Variants in CSMD1 observed in about 807,000 individuals in gnomAD.
CSMD1 encodes the protein CUB and Sushi multiple domains 1, also known as CUB and sushi domain-containing protein 1.
CSMD1 carries 213 observed loss-of-function variants against 417.5 expected under a neutral mutation model. The ratio of observed to expected loss-of-function variants is 0.51; its 90% CI spans 0.46 to 0.57. The LOEUF (loss-of-function observed/expected upper bound fraction) is 0.57. Ranked by LOEUF, CSMD1 falls within the 20% of genes least tolerant of loss-of-function variation. CSMD1 has a pLI of 0.00. For missense variants in CSMD1, 6,923 were observed against 4,529.7 expected, an observed-to-expected ratio of 1.53 and a Z score of -15.17; for synonymous variants, 2,862 against 1,736.8, an observed-to-expected ratio of 1.65 and a Z score of -16.11.
In CSMD1 at chr8:2,963,206, C is replaced by G. The variant is rs756201489; in HGVS notation, c.9454+16G>C. 3.7e-6 allele frequency: 6 copies of G among 1,612,950 alleles called. No homozygotes were observed. The African/African-American group carries it at 8.0e-5, about 22-fold the overall frequency. Reference sequence around the variant, plus strand: ...AGACCTGCAGTGGGCGGAACAAATTCTGCTGTAGAACTTACGGAGACACTG... The same window carrying G: ...AGACCTGCAGTGGGCGGAACAAATTGTGCTGTAGAACTTACGGAGACACTG... On this transcript the variant is annotated intron_variant, in intron 60 of 69. Transcript: ENST00000635120.
chr8:3,351,643 T>G (rs1047691504), intron 21 of CSMD1, among the ~76,000 whole-genome samples: 2 of 149,498 alleles, frequency 1.3e-5, no homozygotes, highest in East Asian at 3.9e-4. Flanking sequence ...GTATACAAAC[T>G]TGGCTTGTTA....
intron 7 of CSMD1, among the ~76,000 whole-genome samples, chr8:3,670,233 G>A (rs1004615658): frequency 1.3e-4 from 20 of 152,042 alleles, no homozygotes; most frequent in Admixed American, 7.2e-4. Context: ...AGAATACAAA[G>A]CAGGCGGAAA....
intron 10 of CSMD1, among the ~76,000 whole-genome samples, chr8:3,532,939 T>C (rs1350042006): frequency 1.3e-5 from 2 of 152,208 alleles, no homozygotes; most frequent in African/African-American, 2.4e-5. Context: ...ACATATACTT[T>C]CAAAGTATTA....
At chr8:4,301,496 C>A (rs757144705) in intron 3 of CSMD1, among the ~76,000 whole-genome samples, 2 of 152,154 alleles carry the variant, frequency 1.3e-5, no homozygotes, top group Non-Finnish European at 2.9e-5. Context: ...TGCATAAGAT[C>A]TCTATTGAAA....
chr8:3,571,708 T>C (rs1411836521), intron 10 of CSMD1, among the ~76,000 whole-genome samples: 2 of 151,994 alleles, frequency 1.3e-5, no homozygotes, highest in African/African-American at 2.4e-5. Context: ...GAGGGTCTTG[T>C]GTTCCTCCGT....
intron 3 of CSMD1, among the ~76,000 whole-genome samples, chr8:4,306,095 T>C (rs1798228446): frequency 2.0e-5 from 3 of 152,232 alleles, no homozygotes; most frequent in Admixed American, 1.3e-4. Context: ...TTATAATGAA[T>C]CTTCTTTTGC....
intron 10 of CSMD1, among the ~76,000 whole-genome samples, chr8:3,536,077 A>C (rs1798185653): frequency 6.6e-6 from 1 of 152,186 alleles, no homozygotes; most frequent in African/African-American, 2.4e-5. Context: ...ACAAGTAGAG[A>C]TGTCCCCAAG....
intron 3 of CSMD1, among the ~76,000 whole-genome samples, chr8:4,235,007 C>G (rs1801960381): frequency 6.6e-6 from 1 of 152,150 alleles, no homozygotes; most frequent in Non-Finnish European, 1.5e-5. Flanking sequence ...GCTCTAAATA[C>G]CATCGTATTG....
chr8:4,031,661 T>C (rs1170514250), intron 4 of CSMD1, among the ~76,000 whole-genome samples: 1 of 152,136 alleles, frequency 6.6e-6, no homozygotes, highest in African/African-American at 2.4e-5. Flanking sequence ...ATATTATATA[T>C]TATTACTTAT....
At chr8:4,616,135 G>C (rs779471398) in intron 2 of CSMD1, among the ~76,000 whole-genome samples, 6 of 152,078 alleles carry the variant, frequency 3.9e-5, no homozygotes, top group Admixed American at 1.3e-4. Flanking sequence ...TACTCCCTTT[G>C]TTGTGATAAA....
rs181792094 is a variant in CSMD1 at position 3,397,148 on chromosome 8, C to T, written c.2406-767G>A. ...GCACGGAGATAATTTTCTAAGTGGG[C>T]CTATCTGATCCTCGAAGAGCTAACC... On this transcript the variant is annotated intron_variant, in intron 16 of 69. Transcript: ENST00000635120. Among the ~76,000 whole-genome samples the T allele has an allele frequency of 3.1e-3, 468 of 152,156 alleles. 3 individuals are homozygous for T. Among genetic ancestry groups the T allele is most frequent in the African/African-American group, 0.01 (433 of 41,500 alleles).
rs970796835 is a variant in CSMD1, at chr8:3,194,321, C to A, written c.5195-4206G>T. Among the ~76,000 whole-genome samples, 5 of 151,994 alleles carry A rather than the reference C, an allele frequency of 3.3e-5. No homozygotes were observed. In the South Asian group the frequency reaches 1.0e-3, roughly 32 times the overall value. On this transcript the variant is annotated intron_variant, in intron 33 of 69. Coordinates refer to ENST00000635120, the MANE Select transcript of CSMD1 (RefSeq NM_033225.6). Reference sequence around the variant, plus strand: ...AGAAATAACCTCAAGTAAAGAAATTCTTAATGTACATCTTTCCTACCCAAA... The same window carrying A: ...AGAAATAACCTCAAGTAAAGAAATTATTAATGTACATCTTTCCTACCCAAA...
In CSMD1 at chr8:2,950,297, T is replaced by G; in HGVS notation, c.10248A>C (p.Gln3416His). The change falls in exon 67 of 70, where the codon CAA becomes CAC. Residue 3416 changes from glutamine to histidine, a missense_variant. Gln to His is a conservative substitution (Grantham distance 24, BLOSUM62 0). Transcript: ENST00000635120. The stretch of plus-strand genomic sequence containing the variant: ...CAAAAATATCTGCCTGGCCTTTAAT[T>G]TGAAAAGCTTTCAGGAGTAAGTGGG... ...EEAHLLLKAF[Q>H]IKGQADIFVS... 6.2e-7 allele frequency: 1 copy of G among 1,613,518 alleles called. No individual in the cohort carries two copies. Among genetic ancestry groups the G allele is most frequent in the Non-Finnish European group, 8.5e-7 (1 of 1,179,482 alleles).
At chr8:4,821,985 T>G (rs909853907) in intron 1 of CSMD1, among the ~76,000 whole-genome samples, 2 of 152,006 alleles carry the variant, frequency 1.3e-5, no homozygotes, top group Admixed American at 6.6e-5. Context: ...TAAAATAAAG[T>G]TCCTCTGTAA....
chr8:3,810,473 C>G (rs1449082306), intron 5 of CSMD1, among the ~76,000 whole-genome samples: 1 of 152,218 alleles, frequency 6.6e-6, no homozygotes, highest in East Asian at 1.9e-4. Context: ...ACTGCAGACT[C>G]TGAGGCAGCC....
In CSMD1 at chr8:4,377,326, G is replaced by A. The variant is rs550456032; in HGVS notation, c.415+42627C>T. On this transcript the variant is annotated intron_variant, in intron 3 of 69. Coordinates refer to ENST00000635120, the MANE Select transcript of CSMD1 (RefSeq NM_033225.6). ...GTCACCACAGCCCAAAACCTTGGTC[G>A]GGGGAGGCTTAGAGCTTACTAATTT... is the stretch of plus-strand genomic sequence containing the variant. Among the ~76,000 whole-genome samples, 5 of 152,236 alleles carry A rather than the reference G, an allele frequency of 3.3e-5. No individual in the cohort carries two copies. In the South Asian group the frequency reaches 8.3e-4, roughly 25 times the overall value.
intron 3 of CSMD1, among the ~76,000 whole-genome samples, chr8:4,200,828 C>T (rs1328976079): frequency 1.3e-5 from 2 of 152,142 alleles, no homozygotes; most frequent in African/African-American, 2.4e-5. Flanking sequence ...ACTGCACTCT[C>T]GCCTGAGTGA....
At chr8:3,878,000 A>C (rs555977458) in intron 5 of CSMD1, among the ~76,000 whole-genome samples, 10 of 152,150 alleles carry the variant, frequency 6.6e-5, no homozygotes, top group African/African-American at 2.4e-4. Context: ...AATGTAAATG[A>C]TAAAACTTTC....
intron 12 of CSMD1, among the ~76,000 whole-genome samples, chr8:3,441,946 T>A (rs1815010242): frequency 6.6e-6 from 1 of 152,068 alleles, no homozygotes; most frequent in Non-Finnish European, 1.5e-5. Flanking sequence ...TCATGTGTGG[T>A]ATTGCCCCGA....
Sources: allele counts gnomAD v4.1 joint callset (sites outside exome capture counted in the v4.1 genomes callset), GRCh38; gene constraint gnomAD v4.1.1; transcripts MANE v1.5; gene names NCBI Gene and HGNC (gene_info 2026-07-23, HGNC 2026-07-21).